The following PPCDC variants were observed in gnomAD, a reference collection of about 807,000 sequenced individuals.
PPCDC encodes phosphopantothenoylcysteine decarboxylase.
In PPCDC, 20 loss-of-function variants were observed where a neutral mutation model predicts 20.7. That is an observed-to-expected ratio of 0.97 (90% CI 0.68 to 1.41). The LOEUF is 1.41. Among genes scored for constraint, PPCDC ranks in the 40% most tolerant of loss-of-function variants. The pLI is 0.00. For missense variants in PPCDC, 246 were observed against 263.8 expected (o/e 0.93, Z 0.47); for synonymous variants, 88 against 100.3 (o/e 0.88, Z 0.73).
At position 75,028,353 on chromosome 15, in the gene PPCDC, C is replaced by G; in HGVS notation, c.35C>G (p.Pro12Arg). The G allele has an allele frequency of 6.2e-7, 1 of 1,614,156 alleles. No individual in the cohort carries two copies. Among genetic ancestry groups the G allele is most frequent in the Non-Finnish European group, 8.5e-7 (1 of 1,180,024 alleles). Residue 12 changes from proline to arginine, a missense_variant, in exon 2 of 6, where the codon CCC becomes CGC. Transcript: ENST00000342932. ...EPKASCPAAA[P>R]LMERKFHVLV... is the part of the protein sequence containing the mutation. ...AAGGCCTCCTGTCCAGCTGCTGCAC[C>G]CTTGATGGAGAGAAAATTCCATGTT...
chr15:75,025,357 G>A (rs1193219961), intron 1 of PPCDC, among the ~76,000 whole-genome samples: 2 of 152,160 alleles, frequency 1.3e-5, no homozygotes, highest in African/African-American at 4.8e-5. Context: ...CCTGTATTGA[G>A]CTTGAACGTA....
At chr15:75,035,086 C>T (rs1273215211) in intron 2 of PPCDC, among the ~76,000 whole-genome samples, 2 of 152,108 alleles carry the variant, frequency 1.3e-5, no homozygotes, top group African/African-American at 4.8e-5. Flanking sequence ...CTCAGATGCT[C>T]AGTGGCCACA....
chr15:75,043,404 T>G (rs1216711770), intron 2 of PPCDC, 37 bp from the exon 3 acceptor site: 1 of 1,558,592 alleles, frequency 6.4e-7, no homozygotes, highest in East Asian at 2.3e-5. Context: ...AACAGTTTCT[T>G]CCTCCCTCCC....
intron 3 of PPCDC, 120 bp downstream of exon 3, chr15:75,043,656 CAG>C: frequency 1.1e-6 from 1 of 885,558 alleles, no homozygotes; most frequent in Non-Finnish European, 1.7e-6. Context: ...AGTCTGTGGT[CAG>C]GGCCCTCTGG....
intron 2 of PPCDC, chr15:75,043,186 G>A (rs1202190845): frequency 5.0e-6 from 2 of 402,542 alleles, no homozygotes; most frequent in East Asian, 4.8e-5. Flanking sequence ...GTATATACGG[G>A]CAGTTGGTGA....
rs2066273757 is a variant in PPCDC at position 75,048,716 on chromosome 15, A to G, written c.524A>G (p.Asp175Gly). The G allele has an allele frequency of 6.2e-7, 1 of 1,613,868 alleles. No homozygotes were observed. Among genetic ancestry groups the G allele is most frequent in the Admixed American group, 1.7e-5 (1 of 59,976 alleles). The change falls in exon 5 of 6, where the codon GAT becomes GGT. Residue 175 changes from aspartate (D) to glycine (G), a missense_variant. Around this residue, in one of 2 missense-constraint regions of PPCDC, gnomAD observed 21 missense variants for 41.2 expected, o/e 0.51. Transcript: ENST00000342932. ...GTGGCCAAGAAGCTGGTGTGCGGAG[A>G]TGAAGGTGGGTGTCTTGCCAGGCTT... ...PCVAKKLVCG[D>G]EGLGAMAEVG...
chr15:75,031,162 C>T (rs939152700), intron 2 of PPCDC, among the ~76,000 whole-genome samples: 1 of 152,134 alleles, frequency 6.6e-6, no homozygotes, highest in Non-Finnish European at 1.5e-5. Flanking sequence ...TCTTCTGGCA[C>T]TGGTGTTAGA....
intron 3 of PPCDC, chr15:75,043,792 G>C (rs553096921): frequency 2.1e-6 from 1 of 467,246 alleles, no homozygotes; most frequent in Admixed American, 3.7e-5. Flanking sequence ...GTACTTATCT[G>C]GGCTGATGAA....
intron 1 of PPCDC, among the ~76,000 whole-genome samples, chr15:75,026,361 C>T (rs1475207484): frequency 6.6e-6 from 1 of 152,200 alleles, no homozygotes. Flanking sequence ...TAACAGGGCT[C>T]CCCACTCCCT....
intron 1 of PPCDC, among the ~76,000 whole-genome samples, chr15:75,025,438 A>G (rs771414931): frequency 2.0e-5 from 3 of 152,144 alleles, no homozygotes; most frequent in Non-Finnish European, 4.4e-5. Flanking sequence ...CTTTGCCCAT[A>G]TAGGGACTGG....
chr15:75,039,434 A>G (rs141887220), intron 2 of PPCDC, among the ~76,000 whole-genome samples: 2 of 152,094 alleles, frequency 1.3e-5, no homozygotes, highest in Non-Finnish European at 2.9e-5. Context: ...TGTTGTGCTA[A>G]CTCTGCAAGG....
intron 1 of PPCDC, 132 bp from the exon 2 acceptor site, chr15:75,028,115 G>C: frequency 3.3e-6 from 2 of 614,594 alleles, no homozygotes; most frequent in South Asian, 4.5e-5. Context: ...TTATCAAACT[G>C]TGTGCTCCCT....
chr15:75,025,876 C>T (rs763281996), intron 1 of PPCDC, among the ~76,000 whole-genome samples: 1 of 152,206 alleles, frequency 6.6e-6, no homozygotes, highest in East Asian at 1.9e-4. Flanking sequence ...GATTGGACCT[C>T]GCCTCCAAAT....
chr15:75,026,606 A>G (rs779007670), intron 1 of PPCDC, among the ~76,000 whole-genome samples: 13 of 152,246 alleles, frequency 8.5e-5, no homozygotes, highest in Non-Finnish European at 1.9e-4. Context: ...TAGAGAGCCA[A>G]GGGGCCTGTG....
At chr15:75,044,318 G>A (rs531234982) in intron 3 of PPCDC, 68 bp from the exon 4 acceptor site, 19 of 1,588,864 alleles carry the variant, frequency 1.2e-5, no homozygotes, top group Middle Eastern at 1.7e-4. Context: ...CTGACTTACC[G>A]TACCTGGCCT....
At chr15:75,046,699 C>A (rs1392324641) in intron 4 of PPCDC, among the ~76,000 whole-genome samples, 1 of 152,264 alleles carries the variant, frequency 6.6e-6, no homozygotes, top group Non-Finnish European at 1.5e-5. Flanking sequence ...CTGTTTTCTC[C>A]CTACATCCCT....
At chr15:75,038,677 C>T (rs35056361) in intron 2 of PPCDC, among the ~76,000 whole-genome samples, 18,004 of 152,118 alleles carry the variant, frequency 0.12, 1,200 homozygotes, top group Middle Eastern at 0.28. Context: ...TTGCCTTCTC[C>T]GACCCCTGGA....
chr15:75,031,670 C>T (rs2066023503), intron 2 of PPCDC, among the ~76,000 whole-genome samples: 1 of 152,122 alleles, frequency 6.6e-6, no homozygotes, highest in Admixed American at 6.5e-5. Context: ...TGCCACTGCA[C>T]TCCAGTCTGG....
intron 2 of PPCDC, among the ~76,000 whole-genome samples, chr15:75,034,159 C>T (rs571515520): frequency 2.0e-5 from 3 of 152,244 alleles, no homozygotes; most frequent in South Asian, 4.2e-4. Flanking sequence ...GTCTCGCCCA[C>T]GGCCTTCCAG....
Sources: allele counts gnomAD v4.1 joint callset (sites outside exome capture counted in the v4.1 genomes callset), GRCh38; gene constraint gnomAD v4.1.1; regional missense constraint gnomAD v4.1.1; transcripts MANE v1.5; gene names NCBI Gene and HGNC (gene_info 2026-07-23, HGNC 2026-07-21).